Variants in PCDH9 observed in about 807,000 individuals in gnomAD.
The protein encoded by PCDH9 is protocadherin 9, also known as protocadherin-9.
A neutral mutation model predicts 70.6 loss-of-function variants in PCDH9; 24 were observed. The observed-to-expected ratio is 0.34, with a 90% CI of 0.25 to 0.48. The LOEUF is 0.48. PCDH9 is among the 20% of genes least tolerant of loss of function. PCDH9 has a pLI of 0.99. For synonymous variants in PCDH9, 562 were observed against 558.5 expected (o/e 1.01, Z -0.09); for missense variants, 1,281 against 1,503.6 (o/e 0.85, Z 2.45).
intron 3 of PCDH9, among the ~76,000 whole-genome samples, chr13:66,775,824 T>G (rs1432336630): frequency 1.3e-5 from 2 of 152,182 alleles, no homozygotes; most frequent in African/African-American, 4.8e-5. Flanking sequence ...GTGTGCAATG[T>G]TGACACCCCT....
chr13:66,481,133 A>G (rs1958827172), intron 4 of PCDH9, among the ~76,000 whole-genome samples: 1 of 152,012 alleles, frequency 6.6e-6, no homozygotes, highest in African/African-American at 2.4e-5. Context: ...AGAGGGGAAC[A>G]TTACATACCG....
At chr13:66,813,437 G>A (rs2080544971) in intron 3 of PCDH9, among the ~76,000 whole-genome samples, 1 of 150,928 alleles carries the variant, frequency 6.6e-6, no homozygotes, top group South Asian at 2.1e-4. Flanking sequence ...ATGAGAGGAA[G>A]GAGGGAAGAG....
At chr13:66,556,683 T>C (rs549356366) in intron 4 of PCDH9, among the ~76,000 whole-genome samples, 2 of 152,182 alleles carry the variant, frequency 1.3e-5, no homozygotes, top group Non-Finnish European at 2.9e-5. Flanking sequence ...AATTTAATCA[T>C]AAAAATTTTT....
chr13:66,644,209 G>T (rs545406162), intron 3 of PCDH9, among the ~76,000 whole-genome samples: 3 of 151,628 alleles, frequency 2.0e-5, no homozygotes, highest in East Asian at 1.9e-4. Context: ...ATAATTAAAA[G>T]AAATATTTTA....
Position 67,096,474 on chromosome 13 carries a change from A to G in PCDH9, c.3036+128931T>C, listed in dbSNP as rs2086322915. The stretch of plus-strand genomic sequence containing the variant: ...TACTGACTTTAACTTCCTCTAGATA[A>G]TCTCCCCGTAGATTGATAAGGTTCT... On this transcript the variant is annotated intron_variant, in intron 2 of 4. Transcript: ENST00000377865. Among the ~76,000 whole-genome samples, 3 of 152,122 alleles carry G rather than the reference A, an allele frequency of 2.0e-5. No individual in the cohort carries two copies. The South Asian group carries it at 6.2e-4, about 32-fold the overall frequency.
intron 3 of PCDH9, among the ~76,000 whole-genome samples, chr13:66,825,466 A>G (rs1384834093): frequency 1.4e-5 from 2 of 145,800 alleles, no homozygotes; most frequent in East Asian, 4.1e-4. Context: ...CCTCCCGTGT[A>G]GCTGGGACTA....
chr13:66,362,195 AC>A (rs1462213010), intron 4 of PCDH9, among the ~76,000 whole-genome samples: 9 of 152,288 alleles, frequency 5.9e-5, no homozygotes, highest in African/African-American at 2.2e-4. Context: ...TAGATAGAGT[AC>A]CTGTATGTTT....
intron 3 of PCDH9, among the ~76,000 whole-genome samples, chr13:66,842,526 C>T (rs888072241): frequency 6.6e-6 from 1 of 152,258 alleles, no homozygotes; most frequent in East Asian, 1.9e-4. Context: ...GATTTGACCT[C>T]TTTTAGCCCC....
intron 3 of PCDH9, among the ~76,000 whole-genome samples, chr13:66,726,901 C>A (rs73208558): frequency 0.13 from 19,744 of 152,132 alleles, 1,395 homozygotes; most frequent in African/African-American, 0.18. Flanking sequence ...TTCCATCCTA[C>A]TTTATTAGCC....
At chr13:66,463,728 C>A (rs1289088959) in intron 4 of PCDH9, among the ~76,000 whole-genome samples, 1 of 151,638 alleles carries the variant, frequency 6.6e-6, no homozygotes, top group African/African-American at 2.4e-5. Context: ...TCCCTTATAT[C>A]CTTATAGGCA....
At chr13:66,618,190 A>G (rs898059362) in intron 4 of PCDH9, among the ~76,000 whole-genome samples, 1 of 152,208 alleles carries the variant, frequency 6.6e-6, no homozygotes, top group Non-Finnish European at 1.5e-5. Flanking sequence ...CTCAACATTC[A>G]AATTGTCTGC....
chr13:66,894,366 T>C (rs2082142856), intron 3 of PCDH9, among the ~76,000 whole-genome samples: 1 of 152,194 alleles, frequency 6.6e-6, no homozygotes, highest in Non-Finnish European at 1.5e-5. Flanking sequence ...GTAAATAAGC[T>C]TTTAACATTT....
intron 4 of PCDH9, among the ~76,000 whole-genome samples, chr13:66,521,695 A>G (rs1473906853): frequency 6.6e-6 from 1 of 152,128 alleles, no homozygotes; most frequent in African/African-American, 2.4e-5. Context: ...TCAATCCTCA[A>G]ACTGCAAAAT....
Position 66,420,723 on chromosome 13 carries a change from A to AG in PCDH9, c.3341-115696dup, listed in dbSNP as rs374505282. On this transcript the variant is annotated intron_variant, in intron 4 of 4. Coordinates refer to ENST00000377865, the MANE Select transcript of PCDH9 (RefSeq NM_203487.3). Reference sequence around the variant, plus strand: ...AAAAGTAGATAAATCCATGAAGATGAGGAAAAACCAGCACAAAAAGCTGAA... The same window carrying AG: ...AAAAGTAGATAAATCCATGAAGATGAGGGAAAAACCAGCACAAAAAGCTGAA... 2.8e-3 allele frequency among the ~76,000 whole-genome samples: 429 copies of AG among 152,314 alleles called. 3 individuals carry two copies. The highest frequency in any genetic ancestry group is 9.8e-3 in the African/African-American group (406 of 41,578).
chr13:67,201,948 G>A (rs527736581), intron 2 of PCDH9: 9 of 151,980 alleles, frequency 5.9e-5, no homozygotes, highest in Middle Eastern at 3.4e-3. Flanking sequence ...AAGTGAGATC[G>A]TTTTCAGCCA....
chr13:66,962,691 A>G (rs938908374), intron 2 of PCDH9, among the ~76,000 whole-genome samples: 5 of 152,210 alleles, frequency 3.3e-5, no homozygotes, highest in Non-Finnish European at 5.9e-5. Flanking sequence ...TATGCAGTCC[A>G]TCATTGACTG....
chr13:66,750,230 A>C (rs1262938820), intron 3 of PCDH9, among the ~76,000 whole-genome samples: 1 of 152,224 alleles, frequency 6.6e-6, no homozygotes, highest in East Asian at 1.9e-4. Context: ...TCGCTAATAG[A>C]AGAAATAGAT....
intron 2 of PCDH9, among the ~76,000 whole-genome samples, chr13:66,941,655 A>G (rs2083008335): frequency 1.3e-5 from 2 of 151,956 alleles, no homozygotes; most frequent in African/African-American, 2.4e-5. Flanking sequence ...TTCCAGGAAT[A>G]TGAGAGACCA....
chr13:66,675,173 C>G (rs1042994667), intron 3 of PCDH9, among the ~76,000 whole-genome samples: 4 of 152,078 alleles, frequency 2.6e-5, no homozygotes, highest in Non-Finnish European at 2.9e-5. Flanking sequence ...TCACATTTTG[C>G]AAATTTTTTT....
Sources: allele counts gnomAD v4.1 joint callset (sites outside exome capture counted in the v4.1 genomes callset), GRCh38; gene constraint gnomAD v4.1.1; transcripts MANE v1.5; gene names NCBI Gene and HGNC (gene_info 2026-07-23, HGNC 2026-07-21).